Variants in ANOS1 observed in about 807,000 individuals in gnomAD.
ANOS1 encodes anosmin 1.
A neutral mutation model predicts 59.0 loss-of-function variants in ANOS1; 6 were observed. That is an observed-to-expected ratio of 0.10 (90% CI 0.06 to 0.20). The LOEUF (loss-of-function observed/expected upper bound fraction) is 0.20. Among genes scored for constraint, ANOS1 ranks in the 10% least tolerant of loss-of-function variants. The probability of loss-of-function intolerance (pLI) is 1.00; values close to 1 mark genes in which losing one functional copy is unlikely to be tolerated. For missense variants in ANOS1, 433 were observed against 542.3 expected (o/e 0.80, Z 2.00); for synonymous variants, 217 against 223.4 (o/e 0.97, Z 0.25).
intron 2 of ANOS1, among the ~76,000 whole-genome samples, chrX:8,659,642 C>A (rs756674891): frequency 2.2e-5 from 2 of 90,026 alleles, no homozygotes; most frequent in Admixed American, 2.6e-4. Context: ...TCTTTCTTTT[C>A]TCTTTTTTCA....
At chrX:8,681,115 C>T (rs187134379) in intron 2 of ANOS1, among the ~76,000 whole-genome samples, 11 of 111,872 alleles carry the variant, frequency 9.8e-5, no homozygotes, top group African/African-American at 3.2e-4. Flanking sequence ...TTCTCCTCTC[C>T]ACAATGTATT....
At chrX:8,667,310 C>T (rs991414454) in intron 2 of ANOS1, among the ~76,000 whole-genome samples, 2 of 106,251 alleles carry the variant, frequency 1.9e-5, no homozygotes, top group East Asian at 3.0e-4. Context: ...TTGTTTTTTG[C>T]GGGGGGATGG....
At chrX:8,725,581 G>GATATACATATATAC (rs1932906812) in intron 1 of ANOS1, among the ~76,000 whole-genome samples, 1 of 75,108 alleles carries the variant, frequency 1.3e-5, no homozygotes, top group Non-Finnish European at 2.4e-5. Context: ...CATATATACA[G>GATATACATATATAC]ATATATATAT....
intron 1 of ANOS1, among the ~76,000 whole-genome samples, chrX:8,717,379 G>A (rs1400767152): frequency 9.0e-6 from 1 of 111,577 alleles, no homozygotes; most frequent in African/African-American, 3.3e-5. Context: ...TGGTGATTGT[G>A]ATACATAACC....
intron 2 of ANOS1, among the ~76,000 whole-genome samples, chrX:8,641,858 T>C (rs1931670576): frequency 9.0e-6 from 1 of 111,692 alleles, no homozygotes; most frequent in African/African-American, 3.3e-5. Flanking sequence ...CTGCCGGGTT[T>C]TTTTCCCCCT....
At chrX:8,546,014 G>T (rs1422855672) in intron 9 of ANOS1, among the ~76,000 whole-genome samples, 1 of 111,847 alleles carries the variant, frequency 8.9e-6, no homozygotes, top group Non-Finnish European at 1.9e-5. Context: ...TCATACAGAG[G>T]AGATAATTTC....
chrX:8,614,387 CT>C (rs1330111882), intron 3 of ANOS1, among the ~76,000 whole-genome samples: 5 of 111,609 alleles, frequency 4.5e-5, no homozygotes, highest in South Asian at 7.5e-4. Flanking sequence ...TGTATTTGGT[CT>C]GAATTTCCTC....
chrX:8,662,717 T>C (rs189683103), intron 2 of ANOS1, among the ~76,000 whole-genome samples: 98 of 112,122 alleles, frequency 8.7e-4, no homozygotes, highest in African/African-American at 3.1e-3. Flanking sequence ...GAGATACACA[T>C]AGAGGGAAAA....
intron 2 of ANOS1, among the ~76,000 whole-genome samples, chrX:8,650,332 A>G (rs1462448867): frequency 8.9e-6 from 1 of 112,714 alleles, no homozygotes; most frequent in Non-Finnish European, 1.9e-5. Context: ...AATCACATGT[A>G]TTTGTAAATG....
At chrX:8,651,117 A>G (rs891284906) in intron 2 of ANOS1, among the ~76,000 whole-genome samples, 14 of 112,357 alleles carry the variant, frequency 1.2e-4, no homozygotes, top group African/African-American at 3.6e-4. Flanking sequence ...TGATCCCCTA[A>G]TACCCTGGGA....
intron 2 of ANOS1, among the ~76,000 whole-genome samples, chrX:8,657,572 G>A (rs932478067): frequency 3.8e-5 from 4 of 106,608 alleles, no homozygotes; most frequent in East Asian, 6.0e-4. Context: ...GGGTTCAAGC[G>A]ACTCTCCTGC....
At chrX:8,569,566 C>T (rs933774217) in intron 7 of ANOS1, among the ~76,000 whole-genome samples, 30 of 111,701 alleles carry the variant, frequency 2.7e-4, no homozygotes, top group Non-Finnish European at 4.1e-4. Context: ...GGCGTGAACC[C>T]GGGAGGCGGA....
At chrX:8,699,957 C>T (rs1450421109) in intron 1 of ANOS1, among the ~76,000 whole-genome samples, 5 of 111,900 alleles carry the variant, frequency 4.5e-5, no homozygotes, top group Non-Finnish European at 9.4e-5. Flanking sequence ...TAAACAAAGA[C>T]ATATAAAATA....
chrX:8,661,335 C>T (rs1932034575), intron 2 of ANOS1, among the ~76,000 whole-genome samples: 1 of 111,866 alleles, frequency 8.9e-6, no homozygotes. Flanking sequence ...CCTCCTGAGG[C>T]CCCTCTCCTG....
intron 2 of ANOS1, among the ~76,000 whole-genome samples, chrX:8,675,195 C>G (rs1289935653): frequency 9.0e-6 from 1 of 111,596 alleles, no homozygotes; most frequent in African/African-American, 3.3e-5. Context: ...TCAACTAGCA[C>G]AAATTTCCTT....
At chrX:8,701,124 CT>C (rs1046683572) in intron 1 of ANOS1, among the ~76,000 whole-genome samples, 5 of 109,900 alleles carry the variant, frequency 4.5e-5, no homozygotes, top group African/African-American at 1.7e-4. Context: ...TGGTTGGGAT[CT>C]TTTAAGTCAG....
chrX:8,604,544 GCAAA>G (rs1930904150), intron 3 of ANOS1, among the ~76,000 whole-genome samples: 1 of 111,728 alleles, frequency 9.0e-6, no homozygotes. Flanking sequence ...CTTTTCTTTA[GCAAA>G]CAAATTTTTA....
chrX:8,535,726 A>C lies in ANOS1; in HGVS notation c.1707T>G (p.Phe569Leu), dbSNP rs777920558. 2 of 1,211,951 alleles carry C rather than the reference A, an allele frequency of 1.7e-6. No individual in the cohort carries two copies. The highest frequency in any genetic ancestry group is 2.2e-6 in the Non-Finnish European group (2 of 895,296). Residue 569 changes from phenylalanine (F) to leucine (L), a missense_variant, in exon 12 of 14, where the codon TTT becomes TTG. Physicochemically the swap from Phe to Leu is conservative, Grantham distance 22. Coordinates refer to ENST00000262648, the MANE Select transcript of ANOS1 (RefSeq NM_000216.4). ...GATTGGCCTTGGCCATCTTCCAAGA[A>C]AAGTGACCGGTGATGTTCACATCCT... ...IVQDVNITGH[F>L]SWKMAKANLY...
intron 2 of ANOS1, among the ~76,000 whole-genome samples, chrX:8,649,174 C>T (rs1931809781): frequency 8.9e-6 from 1 of 111,856 alleles, no homozygotes; most frequent in African/African-American, 3.3e-5. Flanking sequence ...TCCTGACCTC[C>T]AAGATGTTTC....
Sources: allele counts gnomAD v4.1 joint callset (sites outside exome capture counted in the v4.1 genomes callset), GRCh38; gene constraint gnomAD v4.1.1; transcripts MANE v1.5; gene names NCBI Gene and HGNC (gene_info 2026-07-23, HGNC 2026-07-21).